Variants in DSCAM observed in about 807,000 individuals in gnomAD.
DSCAM encodes DS cell adhesion molecule.
In DSCAM, 47 loss-of-function variants were observed where a neutral mutation model predicts 217.7. That is an observed-to-expected ratio of 0.22 (90% CI 0.17 to 0.28). The LOEUF (loss-of-function observed/expected upper bound fraction) is 0.28. Among genes scored for constraint, DSCAM ranks in the 10% least tolerant of loss-of-function variants. DSCAM has a pLI of 1.00. For synonymous variants in DSCAM, 1,056 were observed against 1,015.3 expected, an observed-to-expected ratio of 1.04 and a Z score of -0.76; for missense variants, 2,080 against 2,618.3, an observed-to-expected ratio of 0.79 and a Z score of 4.49.
chr21:40,331,202 A>T (rs1405571779), intron 8 of DSCAM, among the ~76,000 whole-genome samples: 3 of 152,188 alleles, frequency 2.0e-5, no homozygotes, highest in African/African-American at 7.2e-5. Context: ...TTCCTTGCCA[A>T]CAGAGTTGGG....
At chr21:40,217,729 C>T (rs1490923500) in intron 11 of DSCAM, among the ~76,000 whole-genome samples, 1 of 152,080 alleles carries the variant, frequency 6.6e-6, no homozygotes, top group Non-Finnish European at 1.5e-5. Context: ...GATGATATCT[C>T]ATTGTGGTTT....
chr21:40,100,102 T>C (rs910058414), intron 20 of DSCAM, among the ~76,000 whole-genome samples: 1 of 152,186 alleles, frequency 6.6e-6, no homozygotes, highest in Admixed American at 6.5e-5. Flanking sequence ...GAGAGAACCA[T>C]AGGCATGAAA....
At chr21:40,296,831 CAAAAAAAA>C (rs58219836) in intron 9 of DSCAM, among the ~76,000 whole-genome samples, 2 of 53,804 alleles carry the variant, frequency 3.7e-5, no homozygotes, top group African/African-American at 1.2e-4. Context: ...AACTCCATCT[CAAAAAAAA>C]AAAAAAAAAA....
At chr21:40,260,679 T>C (rs1242137899) in intron 11 of DSCAM, among the ~76,000 whole-genome samples, 1 of 152,210 alleles carries the variant, frequency 6.6e-6, no homozygotes, top group Non-Finnish European at 1.5e-5. Flanking sequence ...CATGTACCCA[T>C]TCACAAGGCC....
intron 3 of DSCAM, among the ~76,000 whole-genome samples, chr21:40,405,570 A>G (rs2123785174): frequency 6.6e-6 from 1 of 152,352 alleles, no homozygotes; most frequent in African/African-American, 2.4e-5. Context: ...GAGACAACCT[A>G]CAAAATGAAA....
Position 40,087,157 on chromosome 21 carries a change from G to T in DSCAM, c.3968+13C>A, listed in dbSNP as rs1056389644. 7 of 1,573,156 alleles carry T rather than the reference G, an allele frequency of 4.4e-6. No individual in the cohort carries two copies. In the African/African-American group the frequency reaches 9.5e-5, roughly 21 times the overall value. On this transcript the variant is annotated intron_variant, in intron 22 of 32. Transcript: ENST00000400454. ...AGAGTCTCACTGAAGGCATACATTG[G>T]GTTACTGGTTACCTGTCTTTCATCC...
At chr21:40,076,135 T>G (rs2089362548) in intron 26 of DSCAM, among the ~76,000 whole-genome samples, 1 of 152,122 alleles carries the variant, frequency 6.6e-6, no homozygotes, top group Non-Finnish European at 1.5e-5. Flanking sequence ...CTGCATTTAG[T>G]AAGCAGAGCA....
At chr21:40,801,298 A>T (rs1185792063) in intron 1 of DSCAM, among the ~76,000 whole-genome samples, 2 of 152,226 alleles carry the variant, frequency 1.3e-5, no homozygotes, top group South Asian at 2.1e-4. Context: ...GGAATAATTT[A>T]AAAACATAAT....
At chr21:40,697,498 G>A (rs1054195307) in intron 2 of DSCAM, among the ~76,000 whole-genome samples, 1 of 152,124 alleles carries the variant, frequency 6.6e-6, no homozygotes. Flanking sequence ...CCCACTTTGA[G>A]TTGATTTTCA....
chr21:40,446,104 T>C (rs2075672888), intron 3 of DSCAM, among the ~76,000 whole-genome samples: 1 of 152,214 alleles, frequency 6.6e-6, no homozygotes, highest in Non-Finnish European at 1.5e-5. Flanking sequence ...ACTTATTACC[T>C]GACAGACATC....
chr21:40,662,143 C>CA (rs71330400), intron 3 of DSCAM, among the ~76,000 whole-genome samples: 26,148 of 151,836 alleles, frequency 0.17, 2,322 homozygotes, highest in East Asian at 0.25. Context: ...AACAAACAAA[C>CA]AAAAACACAA....
At chr21:40,307,399 G>T (rs1778654514) in intron 9 of DSCAM, among the ~76,000 whole-genome samples, 1 of 152,198 alleles carries the variant, frequency 6.6e-6, no homozygotes. Context: ...TCTCACACCA[G>T]TTAGAATGGC....
intron 3 of DSCAM, among the ~76,000 whole-genome samples, chr21:40,559,654 T>G (rs943690431): frequency 6.6e-6 from 1 of 152,080 alleles, no homozygotes; most frequent in Non-Finnish European, 1.5e-5. Context: ...TAAATATCAA[T>G]GATTCGGGAC....
intron 32 of DSCAM, among the ~76,000 whole-genome samples, chr21:40,019,053 G>C (rs2088216268): frequency 6.6e-6 from 1 of 152,240 alleles, no homozygotes; most frequent in Non-Finnish European, 1.5e-5. Context: ...GAGAGCACCA[G>C]AGTAGTCAGC....
At chr21:40,771,882 G>A (rs2091447806) in intron 1 of DSCAM, among the ~76,000 whole-genome samples, 1 of 151,866 alleles carries the variant, frequency 6.6e-6, no homozygotes, top group Non-Finnish European at 1.5e-5. Flanking sequence ...TTCAGGGAAC[G>A]TGCGTATGTC....
intron 3 of DSCAM, among the ~76,000 whole-genome samples, chr21:40,508,173 T>C (rs1241493417): frequency 6.6e-6 from 1 of 152,206 alleles, no homozygotes; most frequent in Non-Finnish European, 1.5e-5. Context: ...ACTCACACTG[T>C]CAGGCAGGGA....
intron 3 of DSCAM, among the ~76,000 whole-genome samples, chr21:40,598,923 TTTTAA>T (rs2077042311): frequency 6.6e-6 from 1 of 152,228 alleles, no homozygotes; most frequent in Admixed American, 6.5e-5. Context: ...CTCGTTATTG[TTTTAA>T]TTTAAAATTA....
intron 1 of DSCAM, among the ~76,000 whole-genome samples, chr21:40,743,222 T>C (rs2091141827): frequency 6.6e-6 from 1 of 152,148 alleles, no homozygotes. Context: ...ATCCCACAAA[T>C]GAATGCAGCA....
chr21:40,731,728 A>ACCCCCCCCCCCCCCCCCCC (rs148482159), intron 1 of DSCAM, among the ~76,000 whole-genome samples: 1 of 79,676 alleles, frequency 1.3e-5, no homozygotes, highest in Non-Finnish European at 2.6e-5. Flanking sequence ...TTCCCACTGC[A>ACCCCCCCCCCCCCCCCCCC]CCCCCCCCCC....
Sources: allele counts gnomAD v4.1 joint callset (sites outside exome capture counted in the v4.1 genomes callset), GRCh38; gene constraint gnomAD v4.1.1; transcripts MANE v1.5; gene names NCBI Gene and HGNC (gene_info 2026-07-23, HGNC 2026-07-21).